The following DNAH9 variants were observed in gnomAD, a reference collection of about 807,000 sequenced individuals.
DNAH9 encodes DNAH9 variant protein.
Under a neutral mutation model 471.6 loss-of-function variants are expected in DNAH9, and 345 were observed. That is an observed-to-expected ratio of 0.73 (90% CI 0.67 to 0.80). DNAH9 has a LOEUF of 0.80. Among genes scored for constraint, DNAH9 ranks in the 30% least tolerant of loss-of-function variants. The pLI is 0.00. For missense variants in DNAH9, 5,407 were observed against 5,609.2 expected (o/e 0.96, Z 1.15); for synonymous variants, 2,093 against 2,123.6 (o/e 0.99, Z 0.40).
chr17:11,757,343 G>C (rs570770755), intron 34 of DNAH9, among the ~76,000 whole-genome samples: 31 of 152,208 alleles, frequency 2.0e-4, no homozygotes, highest in African/African-American at 7.0e-4. Flanking sequence ...TCTCAAAGCT[G>C]CTCCCCATCC....
chr17:11,877,799 A>G (rs535692751), intron 53 of DNAH9, among the ~76,000 whole-genome samples: 3 of 152,284 alleles, frequency 2.0e-5, no homozygotes, highest in South Asian at 2.1e-4. Context: ...TAGTGGCGCT[A>G]TCTCGGCTCA....
intron 49 of DNAH9, among the ~76,000 whole-genome samples, chr17:11,843,317 A>G (rs561833072): frequency 6.6e-6 from 1 of 152,330 alleles, no homozygotes; most frequent in East Asian, 1.9e-4. Context: ...TTAAAATGCA[A>G]TACCTTTCCT....
At chr17:11,744,712 C>T in intron 30 of DNAH9, 85 bp from the exon 31 acceptor site, 1 of 1,218,098 alleles carries the variant, frequency 8.2e-7, no homozygotes, top group Non-Finnish European at 1.2e-6. Flanking sequence ...ACCTAATGCT[C>T]ATAGCATATC....
In DNAH9 at chr17:11,694,427, A is replaced by C. The variant is rs148975567; in HGVS notation, c.4852A>C (p.Asn1618His). The change falls in exon 22 of 69, where the codon AAC becomes CAC. Residue 1618 changes from asparagine to histidine, a missense_variant. By Grantham distance (68) the Asn-to-His change is moderately conservative. Coordinates refer to ENST00000262442, the MANE Select transcript of DNAH9 (RefSeq NM_001372.4). ...CTCCGATCTGTTAGACATCCTTTCC[A>C]ACGGCACAGCTCCACAACAGGTAAG... is the stretch of plus-strand genomic sequence containing the variant. ...SSSDLLDILSNGTAPQQVQRH... is the reference protein window; with the variant it reads ...SSSDLLDILSHGTAPQQVQRH... 2.3e-4 allele frequency: 377 copies of C among 1,612,870 alleles called. 1 individual carries two copies. The African/African-American group carries it at 4.5e-3, about 19-fold the overall frequency.
At chr17:11,859,355 T>A (rs1430423657) in intron 50 of DNAH9, among the ~76,000 whole-genome samples, 2 of 143,416 alleles carry the variant, frequency 1.4e-5, no homozygotes, top group Non-Finnish European at 3.0e-5. Context: ...GAGGTTGCAG[T>A]GAGCTGAGAT....
chr17:11,802,742 G>A (rs748198566), intron 43 of DNAH9, among the ~76,000 whole-genome samples: 1 of 151,664 alleles, frequency 6.6e-6, no homozygotes, highest in Non-Finnish European at 1.5e-5. Context: ...GGGATCCAAG[G>A]CGAGAACCTA....
intron 67 of DNAH9, among the ~76,000 whole-genome samples, chr17:11,949,314 A>AT (rs1259633688): frequency 6.6e-6 from 1 of 152,044 alleles, no homozygotes; most frequent in African/African-American, 2.4e-5. Flanking sequence ...GAAATGCAGC[A>AT]TTTTCTTGAG....
chr17:11,905,680 T>A lies in DNAH9; in HGVS notation c.11620T>A (p.Leu3874Ile). The change falls in exon 61 of 69, where the codon TTA (leucine) becomes ATA (isoleucine). Residue 3874 changes from leucine to isoleucine, a missense_variant. This residue lies in a region of DNAH9 where 4,636 missense variants were observed against 4,900.3 expected (regional missense o/e 0.95). Transcript: ENST00000262442. ...YALRDFVEEK[L>I]GSKYVVGRAL... ...TGGCAGAGATTTTGTTGAAGAGAAGTTAGGAAGCAAATACGTGGTGGGAAG... is the reference window on the plus strand; with the variant it reads ...TGGCAGAGATTTTGTTGAAGAGAAGATAGGAAGCAAATACGTGGTGGGAAG... The A allele has an allele frequency of 6.2e-7, 1 of 1,614,030 alleles. No individual in the cohort carries two copies. Among genetic ancestry groups the A allele is most frequent in the Non-Finnish European group, 8.5e-7 (1 of 1,179,986 alleles).
chr17:11,950,616 G>A (rs972080469), intron 67 of DNAH9, among the ~76,000 whole-genome samples: 1 of 152,072 alleles, frequency 6.6e-6, no homozygotes, highest in African/African-American at 2.4e-5. Context: ...CGATCCTCCC[G>A]CCTTGACCCA....
chr17:11,919,376 T>A (rs1370402217), intron 61 of DNAH9, among the ~76,000 whole-genome samples: 1 of 151,598 alleles, frequency 6.6e-6, no homozygotes, highest in Non-Finnish European at 1.5e-5. Context: ...GCGCCTGTAG[T>A]CCCAGCTACT....
At chr17:11,689,468 C>T (rs866387212) in intron 19 of DNAH9, 98 bp from the exon 20 acceptor site, 4 of 1,026,948 alleles carry the variant, frequency 3.9e-6, no homozygotes, top group South Asian at 3.2e-5. Flanking sequence ...TCCTAAAACA[C>T]CAAGCATTTA....
At chr17:11,736,005 T>C (rs1315411524) in intron 28 of DNAH9, among the ~76,000 whole-genome samples, 1 of 152,158 alleles carries the variant, frequency 6.6e-6, no homozygotes, top group African/African-American at 2.4e-5. Context: ...TTTTTTTTTC[T>C]TTTAACTTTT....
chr17:11,817,626 T>A (rs982810232), intron 45 of DNAH9, among the ~76,000 whole-genome samples: 1 of 152,234 alleles, frequency 6.6e-6, no homozygotes, highest in Admixed American at 6.5e-5. Flanking sequence ...GAACTTCACA[T>A]AATTTCCACA....
chr17:11,649,520 A>G (rs2073459077), intron 12 of DNAH9, among the ~76,000 whole-genome samples: 1 of 152,174 alleles, frequency 6.6e-6, no homozygotes, highest in African/African-American at 2.4e-5. Context: ...TTTTGATTGT[A>G]TGCATTCCTG....
intron 50 of DNAH9, among the ~76,000 whole-genome samples, chr17:11,857,931 C>T (rs541474412): frequency 6.6e-6 from 1 of 152,238 alleles, no homozygotes; most frequent in Non-Finnish European, 1.5e-5. Context: ...AAGATGCCAG[C>T]AGTATGCTTC....
chr17:11,819,966 C>T (rs1205657857), intron 45 of DNAH9, among the ~76,000 whole-genome samples: 1 of 151,934 alleles, frequency 6.6e-6, no homozygotes, highest in Non-Finnish European at 1.5e-5. Context: ...GGTTTGGGGC[C>T]TCCTATATAA....
rs1973570545 is a variant in DNAH9 at position 11,905,661 on chromosome 17, A to G, written c.11601A>G (p.Arg3867=). ...TCTATATGTGCTTTTTTTCTGGCAG[A>G]GATTTTGTTGAAGAGAAGTTAGGAA... ...MRPDRMTYAL[R]DFVEEKLGSK... is the part of the protein sequence containing the mutation. The change falls in exon 61 of 69, where the codon CGA becomes CGG. Residue 3867 remains arginine (R), a splice_region_variant and synonymous_variant. Coordinates refer to ENST00000262442, the MANE Select transcript of DNAH9 (RefSeq NM_001372.4). The G allele has an allele frequency of 1.2e-6, 2 of 1,611,534 alleles. No homozygotes were observed. The highest frequency in any genetic ancestry group is 2.2e-5 in the South Asian group (2 of 90,672).
At chr17:11,731,545 C>A (rs889493693) in intron 28 of DNAH9, among the ~76,000 whole-genome samples, 1 of 110,442 alleles carries the variant, frequency 9.1e-6, no homozygotes, top group African/African-American at 3.3e-5. Flanking sequence ...GCTATCCCTC[C>A]CCCCTCCCCC....
chr17:11,843,890 T>TATATATATATATATATATATACAC (rs1389217941), intron 49 of DNAH9, among the ~76,000 whole-genome samples: 22 of 127,214 alleles, frequency 1.7e-4, no homozygotes, highest in African/African-American at 6.8e-4. Flanking sequence ...TATATATATA[T>TATATATATATATATATATATACAC]ACACATAGAG....
Sources: allele counts gnomAD v4.1 joint callset (sites outside exome capture counted in the v4.1 genomes callset), GRCh38; gene constraint gnomAD v4.1.1; regional missense constraint gnomAD v4.1.1; transcripts MANE v1.5; gene names NCBI Gene and HGNC (gene_info 2026-07-23, HGNC 2026-07-21).